Variants in ADAMTSL1 observed in about 807,000 individuals in gnomAD.
ADAMTSL1 encodes ADAMTS-like protein 1.
ADAMTSL1 carries 126 observed loss-of-function variants against 201.8 expected under a neutral mutation model. The observed-to-expected ratio is 0.62, with a 90% CI of 0.54 to 0.72. The LOEUF is 0.72. Ranked by LOEUF, ADAMTSL1 falls within the 30% of genes least tolerant of loss-of-function variation. The pLI is 0.00. For missense variants in ADAMTSL1, 2,679 were observed against 2,277.8 expected, an observed-to-expected ratio of 1.18 and a Z score of -3.59; for synonymous variants, 1,121 against 903.4, an observed-to-expected ratio of 1.24 and a Z score of -4.32.
chr9:18,356,308 G>A (rs879879568), intron 2 of ADAMTSL1, among the ~76,000 whole-genome samples: 9 of 152,098 alleles, frequency 5.9e-5, no homozygotes, highest in East Asian at 1.9e-4. Flanking sequence ...TTCAGGCTTC[G>A]GGCTGTTTTT....
At chr9:18,884,738 C>G (rs572250295) in intron 23 of ADAMTSL1, among the ~76,000 whole-genome samples, 1 of 152,130 alleles carries the variant, frequency 6.6e-6, no homozygotes, top group African/African-American at 2.4e-5. Flanking sequence ...GGTCTCTATT[C>G]TGTTCTTTTG....
At chr9:17,917,344 G>A (rs974976324) in intron 1 of ADAMTSL1, among the ~76,000 whole-genome samples, 19 of 152,090 alleles carry the variant, frequency 1.2e-4, no homozygotes, top group Admixed American at 1.2e-3. Context: ...TAAGTATGAT[G>A]TTAGGTGTGG....
At chr9:18,263,819 G>C (rs1211456021) in intron 2 of ADAMTSL1, among the ~76,000 whole-genome samples, 2 of 152,140 alleles carry the variant, frequency 1.3e-5, no homozygotes, top group Admixed American at 6.5e-5. Context: ...GAACACACAG[G>C]GGGATGGTAG....
chr9:18,187,982 T>A (rs1291100339), intron 2 of ADAMTSL1, among the ~76,000 whole-genome samples: 1 of 152,172 alleles, frequency 6.6e-6, no homozygotes, highest in Non-Finnish European at 1.5e-5. Context: ...ACATGAGGTT[T>A]TGATGGGTAC....
At chr9:18,803,100 A>G (rs1281511948) in intron 20 of ADAMTSL1, among the ~76,000 whole-genome samples, 2 of 152,240 alleles carry the variant, frequency 1.3e-5, no homozygotes, top group African/African-American at 4.8e-5. Flanking sequence ...AGAGACTTAA[A>G]GCAATACAAA....
In ADAMTSL1 at chr9:18,621,503, G is replaced by A. The variant is rs553218769; in HGVS notation, c.475-740G>A. 7.3e-5 allele frequency among the ~76,000 whole-genome samples: 11 copies of A among 151,572 alleles called. No individual in the cohort carries two copies. The South Asian group carries it at 2.3e-3, about 32-fold the overall frequency. On this transcript the variant is annotated intron_variant, in intron 4 of 28. Coordinates refer to ENST00000380548, the MANE Select transcript of ADAMTSL1 (RefSeq NM_001040272.6). ...TGATACAGGACAGGGTAAGGCAAAT[G>A]ACAGGGTCTTAGTGGTATTCATCCC...
chr9:18,614,125 G>A lies in ADAMTSL1; in HGVS notation c.475-8118G>A, dbSNP rs186329250. Among the ~76,000 whole-genome samples, 49 of 152,300 alleles carry A rather than the reference G, an allele frequency of 3.2e-4. 1 individual carries two copies. Among genetic ancestry groups the A allele is most frequent in the Admixed American group, 2.3e-3 (35 of 15,290 alleles). On this transcript the variant is annotated intron_variant, in intron 4 of 28. Coordinates refer to ENST00000380548, the MANE Select transcript of ADAMTSL1 (RefSeq NM_001040272.6). ...GCAAAGAGACTGAGCCAGAGGAAGTGAGGTCAGAGAGGTCGTTCACATAGA... is the reference window on the plus strand; with the variant it reads ...GCAAAGAGACTGAGCCAGAGGAAGTAAGGTCAGAGAGGTCGTTCACATAGA...
chr9:18,492,023 TGTA>T (rs1822293985), intron 1 of ADAMTSL1, among the ~76,000 whole-genome samples: 1 of 152,208 alleles, frequency 6.6e-6, no homozygotes, highest in South Asian at 2.1e-4. Context: ...GCTTGATTGA[TGTA>T]GTTACAACAA....
intron 2 of ADAMTSL1, among the ~76,000 whole-genome samples, chr9:18,388,762 T>C (rs1314838213): frequency 1.3e-5 from 2 of 152,038 alleles, no homozygotes; most frequent in East Asian, 3.9e-4. Flanking sequence ...TGAATTTTTT[T>C]TTCTTTTTTT....
At chr9:17,976,710 C>G (rs1407654472) in intron 1 of ADAMTSL1, among the ~76,000 whole-genome samples, 1 of 151,206 alleles carries the variant, frequency 6.6e-6, no homozygotes, top group Non-Finnish European at 1.5e-5. Flanking sequence ...CTCTCTCTCT[C>G]TCCCTCCCTC....
At chr9:18,051,744 C>T (rs182629670) in intron 1 of ADAMTSL1, among the ~76,000 whole-genome samples, 1 of 152,240 alleles carries the variant, frequency 6.6e-6, no homozygotes, top group East Asian at 1.9e-4. Context: ...GTGACTTTGT[C>T]AGAATTTTGG....
chr9:18,249,010 A>G (rs564017546), intron 2 of ADAMTSL1, among the ~76,000 whole-genome samples: 3 of 152,190 alleles, frequency 2.0e-5, no homozygotes, highest in South Asian at 2.1e-4. Context: ...ATAGATTTGC[A>G]TATGGATTGA....
intron 20 of ADAMTSL1, among the ~76,000 whole-genome samples, chr9:18,805,855 C>T (rs1015948737): frequency 6.6e-6 from 1 of 152,194 alleles, no homozygotes; most frequent in Non-Finnish European, 1.5e-5. Context: ...TTCTGAAGCT[C>T]TCATGAAATC....
chr9:17,978,731 G>A (rs1818557595), intron 1 of ADAMTSL1, among the ~76,000 whole-genome samples: 1 of 151,936 alleles, frequency 6.6e-6, no homozygotes, highest in Non-Finnish European at 1.5e-5. Flanking sequence ...CAGTATTAGA[G>A]TATTATGAAT....
At chr9:18,497,143 A>G (rs7031222) in intron 1 of ADAMTSL1, among the ~76,000 whole-genome samples, 21,229 of 152,186 alleles carry the variant, frequency 0.14, 1,641 homozygotes, top group African/African-American at 0.2. Flanking sequence ...ACCAGGAACA[A>G]TTGTTTCATT....
intron 23 of ADAMTSL1, among the ~76,000 whole-genome samples, chr9:18,844,748 G>A (rs981527942): frequency 5.8e-4 from 88 of 152,282 alleles, no homozygotes; most frequent in Non-Finnish European, 1.1e-3. Flanking sequence ...AATGGCGGGC[G>A]CCCCTCCCCC....
intron 1 of ADAMTSL1, among the ~76,000 whole-genome samples, chr9:17,926,198 C>T (rs532385035): frequency 6.6e-6 from 1 of 152,116 alleles, no homozygotes; most frequent in Non-Finnish European, 1.5e-5. Flanking sequence ...ATGTTTCTTT[C>T]AGACATCACC....
chr9:18,108,570 T>A (rs1824864991), intron 1 of ADAMTSL1, among the ~76,000 whole-genome samples: 1 of 152,128 alleles, frequency 6.6e-6, no homozygotes, highest in Admixed American at 6.6e-5. Flanking sequence ...TATTGGTCTG[T>A]GTCTAGTAAA....
At chr9:18,100,335 C>T (rs889737437) in intron 1 of ADAMTSL1, among the ~76,000 whole-genome samples, 10 of 152,126 alleles carry the variant, frequency 6.6e-5, no homozygotes, top group Non-Finnish European at 1.0e-4. Context: ...GGCTAGAGTA[C>T]AGTGGCATGA....
Sources: allele counts gnomAD v4.1 joint callset (sites outside exome capture counted in the v4.1 genomes callset), GRCh38; gene constraint gnomAD v4.1.1; transcripts MANE v1.5; gene names NCBI Gene and HGNC (gene_info 2026-07-23, HGNC 2026-07-21).